GUSB: variants seen among roughly 807,000 people sequenced by gnomAD.
The protein encoded by GUSB is beta-glucuronidase.
Under a neutral mutation model 74.6 loss-of-function variants are expected in GUSB, and 51 were observed. That is an observed-to-expected ratio of 0.68 (90% CI 0.55 to 0.86). The LOEUF (loss-of-function observed/expected upper bound fraction) is 0.86. Among genes scored for constraint, GUSB ranks in the 40% least tolerant of loss-of-function variants. GUSB has a pLI of 0.00. For synonymous variants in GUSB, 360 were observed against 348.3 expected (o/e 1.03, Z -0.37); for missense variants, 736 against 853.7 (o/e 0.86, Z 1.72).
chr7:65,964,614 A>ACTGATGCT (rs1790713227), intron 10 of GUSB, among the ~76,000 whole-genome samples, 156 bp from the exon 11 acceptor site: 2 of 152,200 alleles, frequency 1.3e-5, no homozygotes, highest in African/African-American at 2.4e-5. Flanking sequence ...AAAGACAGCC[A>ACTGATGCT]GGGAATGATG....
chr7:65,980,350 C>T lies in GUSB; in HGVS notation c.270G>A (p.Trp90Ter), dbSNP rs865906015. 1.2e-6 allele frequency: 2 copies of T among 1,613,942 alleles called. No individual in the cohort carries two copies. Among genetic ancestry groups the T allele is most frequent in the East Asian group, 2.2e-5 (1 of 44,872 alleles). The change falls in exon 2 of 12, where the codon TGG (tryptophan) becomes TGA (stop). Residue 90 changes from tryptophan to a stop codon, truncating the protein, a stop_gained. Coordinates refer to ENST00000304895, the MANE Select transcript of GUSB (RefSeq NM_000181.4). LOFTEE classifies it high-confidence loss of function. ...CCCAGCCGACAAAATGCCGCAGACG[C>T]CAGTCCTGGCTGATGTCATTGAAGC... ...PSSFNDISQD[W>*]RLRHFVGWVW... is the part of the protein sequence containing the mutation.
chr7:65,974,847 A>G (rs1464883076), intron 6 of GUSB, 72 bp downstream of exon 6: 5 of 1,569,908 alleles, frequency 3.2e-6, no homozygotes, highest in Non-Finnish European at 4.4e-6. Flanking sequence ...CCTCAACTGC[A>G]GGACACAGGG....
At chr7:65,980,185 G>GTGCC in intron 2 of GUSB, 39 bp downstream of exon 2, 59 of 725,274 alleles carry the variant, frequency 8.1e-5, no homozygotes, top group Middle Eastern at 3.7e-4. Context: ...CAGCAGCCGT[G>GTGCC]CCCCCCCACC....
At chr7:65,981,902 C>T in intron 1 of GUSB, 72 bp downstream of exon 1, 4 of 1,319,322 alleles carry the variant, frequency 3.0e-6, no homozygotes, top group Non-Finnish European at 4.1e-6. Flanking sequence ...AAGAAGTCTG[C>T]GGGGGGCCCG....
At chr7:65,964,528 G>A in intron 10 of GUSB, 70 bp from the exon 11 acceptor site, 2 of 1,467,794 alleles carry the variant, frequency 1.4e-6, no homozygotes, top group Non-Finnish European at 1.9e-6. Context: ...TAAAAATAAA[G>A]ATCCACTTGA....
chr7:65,980,527 G>A, intron 1 of GUSB, 118 bp from the exon 2 acceptor site: 1 of 936,802 alleles, frequency 1.1e-6, no homozygotes. Flanking sequence ...GGGATTCTTG[G>A]CAGAAAGGAC....
intron 10 of GUSB, among the ~76,000 whole-genome samples, chr7:65,966,125 G>A (rs547323171): frequency 4.0e-5 from 6 of 151,780 alleles, no homozygotes; most frequent in East Asian, 3.9e-4. Flanking sequence ...AGCCGAGATC[G>A]CGCCACTGCA....
At chr7:65,978,429 C>T (rs1423319621) in intron 4 of GUSB, among the ~76,000 whole-genome samples, 1 of 145,364 alleles carries the variant, frequency 6.9e-6, no homozygotes, top group Non-Finnish European at 1.5e-5. Context: ...GCCTGGACAA[C>T]AGAGCAAGAC....
intron 10 of GUSB, among the ~76,000 whole-genome samples, chr7:65,964,790 C>T (rs193095656): frequency 3.9e-5 from 6 of 152,240 alleles, no homozygotes; most frequent in Admixed American, 3.9e-4. Flanking sequence ...GTCTTTCAGT[C>T]AGGTGCAGTG....
In GUSB at chr7:65,976,133, G is replaced by C. The variant is rs1348036566; in HGVS notation, c.794C>G (p.Ala265Gly). The C allele has an allele frequency of 2.5e-6, 4 of 1,613,438 alleles. No individual in the cohort carries two copies. Among genetic ancestry groups the C allele is most frequent in the Non-Finnish European group, 3.4e-6 (4 of 1,179,706 alleles). ...CCCATTCGCCACGACTTTGTTTTCT[G>C]CATCCAAAAGACGCACTTCCAACTT... ...LFKLEVRLLD[A>G]ENKVVANGTG... Residue 265 changes from alanine to glycine, a missense_variant, in exon 5 of 12, where the codon GCA becomes GGA. By Grantham distance (60) the Ala-to-Gly change is moderately conservative. This residue lies in a region of GUSB where 368 missense variants were observed against 363.8 expected (regional missense o/e 1.01). Coordinates refer to ENST00000304895, the MANE Select transcript of GUSB (RefSeq NM_000181.4).
chr7:65,980,158 G>T, intron 2 of GUSB, 66 bp downstream of exon 2: 1 of 1,430,942 alleles, frequency 7.0e-7, no homozygotes, highest in South Asian at 1.2e-5. Context: ...GGTGGCAGCT[G>T]GAGGTCCCAT....
At chr7:65,975,959 G>T in intron 5 of GUSB, 56 bp downstream of exon 5, 2 of 1,478,112 alleles carry the variant, frequency 1.4e-6, no homozygotes, top group South Asian at 1.2e-5. Flanking sequence ...GCTGAAGCCA[G>T]GGTCACCACA....
At chr7:65,968,979 C>T (rs996122184) in intron 9 of GUSB, among the ~76,000 whole-genome samples, 1 of 152,188 alleles carries the variant, frequency 6.6e-6, no homozygotes, top group African/African-American at 2.4e-5. Flanking sequence ...CGGTGACGAC[C>T]GAGTAGGACC....
intron 4 of GUSB, among the ~76,000 whole-genome samples, chr7:65,976,775 TACAA>T (rs1395908916): frequency 4.6e-5 from 7 of 151,768 alleles, no homozygotes; most frequent in African/African-American, 9.7e-5. Context: ...TCCCTAAAAA[TACAA>T]ACAATCAGCC....
At position 65,974,685 on chromosome 7, in the gene GUSB, T is replaced by C. The variant is rs1395474092; in HGVS notation, c.1085A>G (p.Asp362Gly). The C allele has an allele frequency of 6.2e-7, 1 of 1,613,086 alleles. No homozygotes were observed. The highest frequency in any genetic ancestry group is 1.3e-5 in the African/African-American group (1 of 74,890). ...EDADIRGKGF[D>G]WPLLVKDFNL... Reference sequence around the variant, plus strand: ...GAAGTCCTTCACCAGCAGCGGCCAGTCGAAGCCCTTCCCTCGGATCTAGGA... The same window carrying C: ...GAAGTCCTTCACCAGCAGCGGCCAGCCGAAGCCCTTCCCTCGGATCTAGGA... Residue 362 changes from aspartate (D) to glycine (G), a missense_variant, in exon 7 of 12, where the codon GAC (aspartate) becomes GGC (glycine). By Grantham distance (94) the Asp-to-Gly change is moderately conservative. Transcript: ENST00000304895.
chr7:65,974,526 G>C lies in GUSB; in HGVS notation c.1244C>G (p.Pro415Arg). ...GAGCAGGTGCACAGCAGAGACTCAC[G>C]GCAGCGCCAGGCCCACGCCGGGACA... ...DECPGVGLALPQFFNNVSLHH... is the reference protein window; with the variant it reads ...DECPGVGLALRQFFNNVSLHH... The change falls in exon 7 of 12, where the codon CCG becomes CGG. Residue 415 changes from proline to arginine, a missense_variant and splice_region_variant. Physicochemically the swap from Pro to Arg is moderately radical, Grantham distance 103. Transcript: ENST00000304895. 6.2e-7 allele frequency: 1 copy of C among 1,614,138 alleles called. No individual in the cohort carries two copies. Among genetic ancestry groups the C allele is most frequent in the Non-Finnish European group, 8.5e-7 (1 of 1,180,036 alleles).
At chr7:65,965,921 A>G (rs977929659) in intron 10 of GUSB, among the ~76,000 whole-genome samples, 2 of 152,148 alleles carry the variant, frequency 1.3e-5, no homozygotes, top group Non-Finnish European at 2.9e-5. Context: ...CTGTAATCCC[A>G]GCACTTTGGG....
At chr7:65,981,205 C>CTTTTTTTT (rs374713676) in intron 1 of GUSB, among the ~76,000 whole-genome samples, 1 of 132,136 alleles carries the variant, frequency 7.6e-6, no homozygotes, top group Non-Finnish European at 1.6e-5. Flanking sequence ...CACCCTGTAT[C>CTTTTTTTT]TTTTTTTTTT....
At chr7:65,963,661 T>C (rs971483588) in intron 11 of GUSB, among the ~76,000 whole-genome samples, 14 of 152,182 alleles carry the variant, frequency 9.2e-5, no homozygotes, top group Admixed American at 1.3e-4. Flanking sequence ...TCCGCCTGCC[T>C]CAGCCTCCCA....
Sources: gnomAD v4.1 joint callset for allele counts (sites outside exome capture counted in the v4.1 genomes callset) on GRCh38, gnomAD v4.1.1 for gene constraint, gnomAD v4.1.1 regional missense constraint, MANE v1.5 for transcripts, NCBI Gene and HGNC (gene_info 2026-07-23, HGNC 2026-07-21) for gene names.